GRK5: variants seen among roughly 807,000 people sequenced by gnomAD.
GRK5 encodes g protein-coupled receptor kinase GRK5.
GRK5 carries 40 observed loss-of-function variants against 78.4 expected under a neutral mutation model. The ratio of observed to expected loss-of-function variants is 0.51; its 90% confidence interval spans 0.40 to 0.66. The LOEUF (loss-of-function observed/expected upper bound fraction) is 0.66. Ranked by LOEUF, GRK5 falls within the 30% of genes least tolerant of loss-of-function variation. GRK5 has a pLI of 0.00. For missense variants in GRK5, 598 were observed against 759.9 expected (o/e 0.79, Z 2.50); for synonymous variants, 289 against 296.8 (o/e 0.97, Z 0.27).
chr10:119,346,443 G>A (rs1346845519), intron 2 of GRK5, among the ~76,000 whole-genome samples: 1 of 152,210 alleles, frequency 6.6e-6, no homozygotes, highest in Non-Finnish European at 1.5e-5. Flanking sequence ...CATTTACTGG[G>A]TCAGGAAAGA....
At chr10:119,323,119 G>C (rs1316459773) in intron 1 of GRK5, among the ~76,000 whole-genome samples, 1 of 152,204 alleles carries the variant, frequency 6.6e-6, no homozygotes, top group African/African-American at 2.4e-5. Flanking sequence ...ATGGAGTGTA[G>C]GAGAGAGGTT....
At chr10:119,352,508 C>A (rs1212021684) in intron 2 of GRK5, among the ~76,000 whole-genome samples, 2 of 152,126 alleles carry the variant, frequency 1.3e-5, no homozygotes, top group African/African-American at 4.8e-5. Context: ...TACAGCAGAT[C>A]GAACTGCTTC....
At chr10:119,359,196 G>A (rs922201464) in intron 2 of GRK5, among the ~76,000 whole-genome samples, 2 of 152,188 alleles carry the variant, frequency 1.3e-5, no homozygotes, top group African/African-American at 4.8e-5. Flanking sequence ...AGAGGCCAGG[G>A]GTGGGGCTGG....
chr10:119,416,884 G>A (rs904200174), intron 4 of GRK5, among the ~76,000 whole-genome samples: 14 of 152,180 alleles, frequency 9.2e-5, no homozygotes, highest in Non-Finnish European at 1.3e-4. Flanking sequence ...GTGAGCCACC[G>A]CACCTGGCTG....
chr10:119,307,259 G>A (rs1054877136), intron 1 of GRK5, among the ~76,000 whole-genome samples: 2 of 152,038 alleles, frequency 1.3e-5, no homozygotes, highest in Non-Finnish European at 2.9e-5. Context: ...TGGCCCTGGA[G>A]CATGCAGTCT....
chr10:119,413,624 C>G (rs573488889), intron 4 of GRK5, among the ~76,000 whole-genome samples: 135 of 152,218 alleles, frequency 8.9e-4, no homozygotes, highest in African/African-American at 2.9e-3. Context: ...TGCTGCATTC[C>G]ATCCTGATAA....
rs1851655813 is a variant in GRK5 at position 119,378,278 on chromosome 10, T to A, written c.149-2537T>A. On this transcript the variant is annotated intron_variant, in intron 2 of 15. Coordinates refer to ENST00000392870, the MANE Select transcript of GRK5 (RefSeq NM_005308.3). The surrounding 1 kb of genome is among the most constrained non-coding windows in gnomAD (Gnocchi z 4.5). ...GTGGCTATTTGTGAACCATCTGTGC[T>A]GGGAGCGGTGGAGACTGCGCCCACG... Among the ~76,000 whole-genome samples, 1 of 152,162 alleles carries A rather than the reference T, an allele frequency of 6.6e-6. No homozygotes were observed. The highest frequency in any genetic ancestry group is 1.9e-4 in the East Asian group (1 of 5,200).
chr10:119,395,979 C>T (rs1441555119), intron 3 of GRK5, among the ~76,000 whole-genome samples: 1 of 152,200 alleles, frequency 6.6e-6, no homozygotes, highest in African/African-American at 2.4e-5. Context: ...CAGATAAGAA[C>T]ATCTTAAAAA....
chr10:119,420,353 CAAAA>C (rs71480796), intron 4 of GRK5, among the ~76,000 whole-genome samples: 53 of 25,922 alleles, frequency 2.0e-3, no homozygotes, highest in African/African-American at 3.8e-3. Context: ...AACAAACAAA[CAAAA>C]AAAAAAAACA....
At chr10:119,323,803 G>A (rs11599133) in intron 1 of GRK5, among the ~76,000 whole-genome samples, 104,806 of 152,042 alleles carry the variant, frequency 0.69, 37,876 homozygotes, top group Non-Finnish European at 0.79. Context: ...TCATCTGAGC[G>A]AGGTACACTG....
chr10:119,352,437 G>C (rs1290356507), intron 2 of GRK5, among the ~76,000 whole-genome samples: 4 of 152,188 alleles, frequency 2.6e-5, no homozygotes, highest in Non-Finnish European at 1.5e-5. Flanking sequence ...TATTAGGGAG[G>C]CTGCCCACTG....
At chr10:119,415,108 A>G (rs1291009722) in intron 4 of GRK5, among the ~76,000 whole-genome samples, 2 of 151,456 alleles carry the variant, frequency 1.3e-5, no homozygotes, top group African/African-American at 2.4e-5. Context: ...AAAAAAGAAA[A>G]AGAAAAAAGA....
intron 4 of GRK5, among the ~76,000 whole-genome samples, chr10:119,417,592 G>A (rs1027116003): frequency 3.9e-5 from 6 of 152,024 alleles, no homozygotes; most frequent in Admixed American, 1.3e-4. Context: ...AAGGCCTCCC[G>A]TGCATTGAAT....
rs1394632002 is a variant in GRK5 at position 119,326,594 on chromosome 10, A to G, written c.131A>G (p.Asp44Gly). Residue 44 changes from aspartate (D) to glycine (G), a missense_variant, in exon 2 of 16, where the codon GAC becomes GGC. Transcript: ENST00000392870. ...TTCCCTCACATTAGCCAGTGTGAAG[A>G]CCTCCGAAGGACCATAGGTAAGCTG... ...LKFPHISQCE[D>G]LRRTIDRDYC... The G allele has an allele frequency of 1.2e-6, 2 of 1,613,424 alleles. No homozygotes were observed. Among genetic ancestry groups the G allele is most frequent in the South Asian group, 1.1e-5 (1 of 91,056 alleles).
chr10:119,237,218 A>G (rs993104207), intron 1 of GRK5, among the ~76,000 whole-genome samples: 1 of 151,786 alleles, frequency 6.6e-6, no homozygotes, highest in Non-Finnish European at 1.5e-5. Flanking sequence ...ATGTGCCACC[A>G]TTCCCAGCTA....
chr10:119,367,755 G>A (rs1851473100), intron 2 of GRK5, among the ~76,000 whole-genome samples: 1 of 152,218 alleles, frequency 6.6e-6, no homozygotes, highest in African/African-American at 2.4e-5. Context: ...GAGTGCACAC[G>A]CCAGGGCTGG....
At chr10:119,414,453 C>T (rs1307713126) in intron 4 of GRK5, among the ~76,000 whole-genome samples, 2 of 152,296 alleles carry the variant, frequency 1.3e-5, no homozygotes, top group Non-Finnish European at 2.9e-5. Flanking sequence ...CAGAGTCCAC[C>T]GCACCTCCTT....
At position 119,394,084 on chromosome 10, in the gene GRK5, GGTATCTGTGT is replaced by G. The variant is rs1269089822; in HGVS notation, c.262-2608_262-2599del. Among the ~76,000 whole-genome samples, 6 of 136,008 alleles carry G rather than the reference GGTATCTGTGT, an allele frequency of 4.4e-5. No homozygotes were observed. In the Middle Eastern group the frequency reaches 0.019, roughly 428 times the overall value. The allele number at this position is 136,008 out of a possible 152,430, so 89.2% of individuals were successfully genotyped here. A position where few individuals can be genotyped will look rare whatever the true frequency, so the allele number is the denominator to read the frequency against. ...GTGTGTGTGTCTGTGGGTGTGTGTG[GGTATCTGTGT>G]GTGTCTGCGTCTGTGTGGGGGGTGT... On this transcript the variant is annotated intron_variant, in intron 3 of 15. Transcript: ENST00000392870.
intron 4 of GRK5, 54 bp from the exon 5 acceptor site, chr10:119,423,112 G>T: frequency 8.0e-7 from 1 of 1,243,892 alleles, no homozygotes. Flanking sequence ...GGCAAACCCG[G>T]CCGCACTGCT....
Sources: gnomAD v4.1 joint callset for allele counts (sites outside exome capture counted in the v4.1 genomes callset) on GRCh38, gnomAD v4.1.1 for gene constraint, Gnocchi (gnomAD v3.1) non-coding constraint, MANE v1.5 for transcripts, NCBI Gene and HGNC (gene_info 2026-07-23, HGNC 2026-07-21) for gene names.